NAALADL2: variants seen among roughly 807,000 people sequenced by gnomAD.
NAALADL2 encodes the protein N-acetylated alpha-linked acidic dipeptidase like 2, also known as inactive N-acetylated-alpha-linked acidic dipeptidase-like protein 2.
Under a neutral mutation model 87.2 loss-of-function variants are expected in NAALADL2, and 76 were observed. The ratio of observed to expected loss-of-function variants is 0.87; its 90% CI spans 0.72 to 1.05. NAALADL2 has a LOEUF of 1.05. NAALADL2 is among the 50% of genes least tolerant of loss of function. NAALADL2 has a pLI of 0.00. For missense variants in NAALADL2, 1,089 were observed against 945.8 expected (o/e 1.15, Z -1.99); for synonymous variants, 354 against 331.0 (o/e 1.07, Z -0.75).
intron 5 of NAALADL2, among the ~76,000 whole-genome samples, chr3:175,435,841 C>G (rs1403274525): frequency 7.1e-6 from 1 of 141,154 alleles, no homozygotes; most frequent in Non-Finnish European, 1.5e-5. Context: ...AAGACTTTAC[C>G]TGTGTAGTAC....
intron 1 of NAALADL2, among the ~76,000 whole-genome samples, chr3:174,538,742 C>G (rs759489100): frequency 1.3e-5 from 2 of 152,078 alleles, no homozygotes; most frequent in Admixed American, 1.3e-4. Flanking sequence ...TAATCCAGAC[C>G]TTCCCTTCTA....
intron 1 of NAALADL2, among the ~76,000 whole-genome samples, chr3:174,976,051 C>A (rs1414889673): frequency 1.3e-5 from 2 of 152,058 alleles, no homozygotes; most frequent in Non-Finnish European, 2.9e-5. Flanking sequence ...GCAACAACAA[C>A]AAAAAACCCA....
At chr3:174,866,997 A>C (rs1358437739) in intron 1 of NAALADL2, among the ~76,000 whole-genome samples, 1 of 151,762 alleles carries the variant, frequency 6.6e-6, no homozygotes, top group Non-Finnish European at 1.5e-5. Flanking sequence ...AATACTTACT[A>C]ATTACTAAAT....
intron 5 of NAALADL2, among the ~76,000 whole-genome samples, chr3:175,402,575 G>A (rs771641060): frequency 1.2e-4 from 18 of 151,960 alleles, no homozygotes; most frequent in Non-Finnish European, 2.1e-4. Flanking sequence ...ATATAAACAG[G>A]TGTATATAAT....
intron 9 of NAALADL2, among the ~76,000 whole-genome samples, chr3:175,513,709 G>A (rs1731474379): frequency 6.6e-6 from 1 of 152,210 alleles, no homozygotes; most frequent in Admixed American, 6.5e-5. Context: ...TCTAAGGGAT[G>A]CCAATGTCAT....
chr3:175,443,490 G>T (rs943847624), intron 5 of NAALADL2, among the ~76,000 whole-genome samples: 2 of 152,164 alleles, frequency 1.3e-5, no homozygotes, highest in African/African-American at 2.4e-5. Context: ...GATAGGGATA[G>T]ACGGGTTTTG....
intron 1 of NAALADL2, among the ~76,000 whole-genome samples, chr3:175,089,663 T>A (rs760627441): frequency 6.6e-6 from 1 of 152,102 alleles, no homozygotes; most frequent in Admixed American, 6.5e-5. Flanking sequence ...AAAATCTAAG[T>A]GCAAAAGATA....
At chr3:175,319,030 T>C (rs1458993440) in intron 4 of NAALADL2, among the ~76,000 whole-genome samples, 1 of 152,258 alleles carries the variant, frequency 6.6e-6, no homozygotes, top group African/African-American at 2.4e-5. Context: ...TTCAATTGAT[T>C]ATTCTTTTTA....
intron 11 of NAALADL2, among the ~76,000 whole-genome samples, chr3:175,732,784 G>A (rs528790363): frequency 6.6e-6 from 1 of 152,106 alleles, no homozygotes; most frequent in Admixed American, 6.5e-5. Context: ...AGATACGTTA[G>A]GAATTGGTTG....
Position 174,595,968 on chromosome 3 carries a change from T to C in NAALADL2, c.-115+45331T>C, listed in dbSNP as rs1034631232. Among the ~76,000 whole-genome samples the C allele has an allele frequency of 2.6e-5, 4 of 152,106 alleles. No homozygotes were observed. The South Asian group carries it at 8.3e-4, about 32-fold the overall frequency. On this transcript the variant is annotated intron_variant, in intron 2 of 3. Transcript: ENST00000434257. ...TGGAGGTTGTGGTGAGCTGAGATCA[T>C]GCCATTGCACTCCAGCCTGGGCACA...
chr3:175,250,992 C>A (rs1748960499), intron 3 of NAALADL2, among the ~76,000 whole-genome samples: 3 of 152,098 alleles, frequency 2.0e-5, no homozygotes, highest in Non-Finnish European at 2.9e-5. Context: ...AAGAAGAGGG[C>A]AACCTATCTG....
intron 2 of NAALADL2, among the ~76,000 whole-genome samples, chr3:174,602,327 T>C (rs945101720): frequency 6.6e-6 from 1 of 152,014 alleles, no homozygotes; most frequent in African/African-American, 2.4e-5. Flanking sequence ...AGAACTTTCT[T>C]TCTTTGGTTA....
intron 1 of NAALADL2, among the ~76,000 whole-genome samples, chr3:174,871,143 C>G (rs756395013): frequency 1.3e-5 from 2 of 152,178 alleles, no homozygotes; most frequent in Non-Finnish European, 2.9e-5. Flanking sequence ...TATAGATTTA[C>G]CTTTACAAAA....
chr3:174,644,795 A>G (rs1723611372), intron 2 of NAALADL2, among the ~76,000 whole-genome samples: 1 of 152,248 alleles, frequency 6.6e-6, no homozygotes. Flanking sequence ...CTCTTCTCAA[A>G]GACAAATTGC....
At position 175,697,400 on chromosome 3, in the gene NAALADL2, G is replaced by GACACACACACACACACAC. The variant is rs57471272; in HGVS notation, c.1897-39890_1897-39873dup. Among the ~76,000 whole-genome samples the GACACACACACACACACAC allele has an allele frequency of 6.7e-3, 967 of 145,312 alleles. 8 individuals carry two copies. Among genetic ancestry groups the GACACACACACACACACAC allele is most frequent in the African/African-American group, 0.023 (919 of 39,628 alleles). On this transcript the variant is annotated intron_variant, in intron 11 of 13. Transcript: ENST00000454872. ...TGTGCTAGTGCTAAAGCTGCACACA[G>GACACACACACACACACAC]ACACACACACACACACACACACACA...
intron 1 of NAALADL2, among the ~76,000 whole-genome samples, chr3:174,530,184 A>T (rs1721114307): frequency 6.6e-6 from 1 of 152,148 alleles, no homozygotes; most frequent in Non-Finnish European, 1.5e-5. Flanking sequence ...GATACTCTAA[A>T]TTATCTCTCT....
chr3:175,216,058 A>G (rs1307948916), intron 2 of NAALADL2, among the ~76,000 whole-genome samples: 1 of 152,172 alleles, frequency 6.6e-6, no homozygotes, highest in Non-Finnish European at 1.5e-5. Context: ...TTCCAAAGAT[A>G]ACTTAAATGC....
intron 1 of NAALADL2, among the ~76,000 whole-genome samples, chr3:174,506,533 ATAT>A (rs1188102656): frequency 6.6e-6 from 1 of 152,092 alleles, no homozygotes; most frequent in Admixed American, 6.5e-5. Flanking sequence ...GTGGCATCTG[ATAT>A]TGATAAACAT....
chr3:174,545,866 A>G (rs1201646997), intron 1 of NAALADL2, among the ~76,000 whole-genome samples: 2 of 150,474 alleles, frequency 1.3e-5, no homozygotes, highest in Non-Finnish European at 1.5e-5. Context: ...GGAAATCTTT[A>G]TTCTGTGATT....
Sources: gnomAD v4.1 joint callset for allele counts (sites outside exome capture counted in the v4.1 genomes callset) on GRCh38, gnomAD v4.1.1 for gene constraint, MANE v1.5 for transcripts, NCBI Gene and HGNC (gene_info 2026-07-23, HGNC 2026-07-21) for gene names.